PAPSS1: variants seen among roughly 807,000 people sequenced by gnomAD.
PAPSS1 encodes the protein bifunctional 3'-phosphoadenosine 5'-phosphosulfate synthase 1.
Under a neutral mutation model 72.0 loss-of-function variants are expected in PAPSS1, and 50 were observed. The ratio of observed to expected loss-of-function variants is 0.69; its 90% confidence interval spans 0.55 to 0.88. The LOEUF (loss-of-function observed/expected upper bound fraction) is 0.88, where lower values mean the gene tolerates loss of function less well. Ranked by LOEUF, PAPSS1 falls within the 40% of genes least tolerant of loss-of-function variation. The probability of loss-of-function intolerance (pLI) is 0.00; values close to 1 mark genes in which losing one functional copy is unlikely to be tolerated. For missense variants in PAPSS1, 657 were observed against 782.2 expected, an observed-to-expected ratio of 0.84 and a Z score of 1.91; for synonymous variants, 261 against 263.6, an observed-to-expected ratio of 0.99 and a Z score of 0.09.
At position 107,643,225 on chromosome 4, in the gene PAPSS1, T is replaced by C. The variant is rs72883546; in HGVS notation, c.1506+1577A>G. On this transcript the variant is annotated intron_variant, in intron 10 of 11. Transcript: ENST00000265174. ...ACTAAAAACCAGCTGGATTTAATGC[T>C]GTGATGCAATACTCAGGCCTCCTGC... 5.9e-5 allele frequency among the ~76,000 whole-genome samples: 9 copies of C among 152,354 alleles called. 1 individual carries two copies. Among genetic ancestry groups the C allele is most frequent in the Admixed American group, 5.2e-4 (8 of 15,306 alleles).
intron 1 of PAPSS1, among the ~76,000 whole-genome samples, chr4:107,712,998 A>G (rs1438174292): frequency 2.0e-5 from 3 of 149,222 alleles, no homozygotes; most frequent in Non-Finnish European, 1.5e-5. Context: ...CCCAGGCTGG[A>G]GTGCAGTGGC....
intron 5 of PAPSS1, among the ~76,000 whole-genome samples, chr4:107,671,406 G>A (rs892645118): frequency 2.6e-5 from 4 of 151,336 alleles, no homozygotes; most frequent in Admixed American, 6.6e-5. Flanking sequence ...AGAGAAAGAC[G>A]GGAAGAAGGT....
At chr4:107,670,593 C>A (rs1038443988) in intron 5 of PAPSS1, among the ~76,000 whole-genome samples, 2 of 152,106 alleles carry the variant, frequency 1.3e-5, no homozygotes, top group Non-Finnish European at 2.9e-5. Flanking sequence ...GGCTGGAGGG[C>A]AGTGGCAGAA....
Position 107,617,161 on chromosome 4 carries a change from T to C in PAPSS1, c.1737-2774A>G, listed in dbSNP as rs565345071. 9.9e-5 allele frequency among the ~76,000 whole-genome samples: 15 copies of C among 152,142 alleles called. No homozygotes were observed. In the South Asian group the frequency reaches 2.9e-3, roughly 30 times the overall value. On this transcript the variant is annotated intron_variant, in intron 11 of 11. Transcript: ENST00000265174. ...TCCTCTGTTTGATGTTTGTTATCTG[T>C]GTGCTCAATGACTCAACTGCTCACA...
intron 5 of PAPSS1, among the ~76,000 whole-genome samples, chr4:107,681,698 A>C (rs1282714223): frequency 6.6e-6 from 1 of 152,154 alleles, no homozygotes; most frequent in Non-Finnish European, 1.5e-5. Context: ...TAATACTATC[A>C]AGTTACAGGA....
intron 9 of PAPSS1, among the ~76,000 whole-genome samples, chr4:107,651,160 T>A (rs1223083402): frequency 6.6e-6 from 1 of 151,378 alleles, no homozygotes; most frequent in Admixed American, 6.6e-5. Flanking sequence ...AAATCAGGAG[T>A]AAAGTATAAA....
At chr4:107,638,523 A>T (rs1726447952) in intron 10 of PAPSS1, among the ~76,000 whole-genome samples, 1 of 152,162 alleles carries the variant, frequency 6.6e-6, no homozygotes, top group African/African-American at 2.4e-5. Context: ...CCAGACCCCT[A>T]GTCAGGTGAG....
chr4:107,680,346 C>A (rs1223856909), intron 5 of PAPSS1, among the ~76,000 whole-genome samples: 1 of 150,722 alleles, frequency 6.6e-6, no homozygotes, highest in African/African-American at 2.4e-5. Flanking sequence ...CATAGAGGAA[C>A]AAAGAAAAGA....
At position 107,644,867 on chromosome 4, in the gene PAPSS1, G is replaced by C; in HGVS notation, c.1441C>G (p.Leu481Val). The change falls in exon 10 of 12, where the codon CTG becomes GTG. Residue 481 changes from leucine (L) to valine (V), a missense_variant. Coordinates refer to ENST00000265174, the MANE Select transcript of PAPSS1 (RefSeq NM_005443.5). ...GCCACCACTGTCGTCTCAGGATTCA[G>C]AACTCCTTCCTCCAACACTGCAGCA... ...QHAAVLEEGV[L>V]NPETTVVAIF... is the part of the protein sequence containing the mutation. 6.2e-7 allele frequency: 1 copy of C among 1,613,892 alleles called. No homozygotes were observed. Among genetic ancestry groups the C allele is most frequent in the Non-Finnish European group, 8.5e-7 (1 of 1,179,870 alleles).
chr4:107,658,553 T>A (rs1201556153), intron 6 of PAPSS1, among the ~76,000 whole-genome samples: 4 of 152,140 alleles, frequency 2.6e-5, no homozygotes, highest in African/African-American at 7.2e-5. Flanking sequence ...GCTCATTTTT[T>A]AACTAAGCAT....
At chr4:107,617,015 C>G (rs577103091) in intron 11 of PAPSS1, among the ~76,000 whole-genome samples, 33 of 152,186 alleles carry the variant, frequency 2.2e-4, no homozygotes, top group African/African-American at 7.9e-4. Context: ...TCTTCCTTAT[C>G]ACAGTTCACT....
intron 5 of PAPSS1, among the ~76,000 whole-genome samples, chr4:107,674,457 G>C (rs1188147852): frequency 1.3e-5 from 2 of 152,268 alleles, no homozygotes; most frequent in East Asian, 3.9e-4. Context: ...TAATGGTAAA[G>C]GGATCAATTC....
At chr4:107,649,742 C>T (rs1036768528) in intron 9 of PAPSS1, among the ~76,000 whole-genome samples, 2 of 152,244 alleles carry the variant, frequency 1.3e-5, no homozygotes, top group Admixed American at 1.3e-4. Flanking sequence ...TTCAGCAACG[C>T]TATAAAGCTT....
Position 107,718,912 on chromosome 4 carries a change from T to C in PAPSS1, c.60+1208A>G, listed in dbSNP as rs1578444430. Among the ~76,000 whole-genome samples, 3 of 152,176 alleles carry C rather than the reference T, an allele frequency of 2.0e-5. No individual in the cohort carries two copies. The South Asian group carries it at 6.2e-4, about 31-fold the overall frequency. ...CATCAAAACAATCCCGTGAAGTACA[T>C]ACTATTATACCCTTAAGTCAACTGA... On this transcript the variant is annotated intron_variant, in intron 1 of 11. Coordinates refer to ENST00000265174, the MANE Select transcript of PAPSS1 (RefSeq NM_005443.5).
At chr4:107,696,324 A>G (rs993484277) in intron 2 of PAPSS1, among the ~76,000 whole-genome samples, 41 of 152,206 alleles carry the variant, frequency 2.7e-4, no homozygotes, top group African/African-American at 9.4e-4. Context: ...AAACCAACCC[A>G]AATGCCCATC....
rs145539326 is a variant in PAPSS1, at chr4:107,697,475, A to G, written c.176-3469T>C. On this transcript the variant is annotated intron_variant, in intron 2 of 11. Transcript: ENST00000265174. ...ACCAATTGAGCATCAAGTATCAGGG[A>G]AAAAAAAGTTTGAAACTCTAAACTT... Among the ~76,000 whole-genome samples the G allele has an allele frequency of 5.0e-4, 76 of 152,238 alleles. No homozygotes were observed. The East Asian group carries it at 0.01, about 21-fold the overall frequency.
chr4:107,630,092 C>T (rs1190555099), intron 11 of PAPSS1, among the ~76,000 whole-genome samples: 1 of 152,170 alleles, frequency 6.6e-6, no homozygotes, highest in African/African-American at 2.4e-5. Flanking sequence ...ATTCCCAGGA[C>T]CCTTGGTTCT....
intron 5 of PAPSS1, among the ~76,000 whole-genome samples, chr4:107,678,106 C>T (rs1026888944): frequency 2.0e-5 from 3 of 151,826 alleles, no homozygotes; most frequent in Admixed American, 2.0e-4. Flanking sequence ...TTAATGACTG[C>T]AGCACACCAA....
intron 9 of PAPSS1, among the ~76,000 whole-genome samples, chr4:107,647,525 C>T (rs183697547): frequency 6.6e-6 from 1 of 152,172 alleles, no homozygotes; most frequent in Admixed American, 6.5e-5. Flanking sequence ...GTGGCACCAA[C>T]CTTTTATATG....
Sources: gnomAD v4.1 joint callset for allele counts (sites outside exome capture counted in the v4.1 genomes callset) on GRCh38, gnomAD v4.1.1 for gene constraint, MANE v1.5 for transcripts, NCBI Gene and HGNC (gene_info 2026-07-23, HGNC 2026-07-21) for gene names.